The following MYOM1 variants were observed in gnomAD, a reference collection of about 807,000 sequenced individuals.
The protein encoded by MYOM1 is myomesin 1.
Under a neutral mutation model 205.3 loss-of-function variants are expected in MYOM1, and 164 were observed. That is an observed-to-expected ratio of 0.80 (90% CI 0.70 to 0.91). The LOEUF is 0.91. Among genes scored for constraint, MYOM1 ranks in the 40% least tolerant of loss-of-function variants. The pLI is 0.00. For synonymous variants in MYOM1, 772 were observed against 789.4 expected (o/e 0.98, Z 0.37); for missense variants, 2,011 against 2,127.3 (o/e 0.95, Z 1.08).
intron 36 of MYOM1, among the ~76,000 whole-genome samples, chr18:3,074,982 A>G (rs1387237522): frequency 3.3e-5 from 5 of 152,010 alleles, no homozygotes; most frequent in Admixed American, 6.6e-5. Context: ...TTTAGTAGAG[A>G]CGGGGTTTTG....
chr18:3,174,123 T>A lies in MYOM1; in HGVS notation c.1108A>T (p.Lys370Ter). The A allele has an allele frequency of 6.2e-7, 1 of 1,614,038 alleles. No homozygotes were observed. Among genetic ancestry groups the A allele is most frequent in the Non-Finnish European group, 8.5e-7 (1 of 1,179,874 alleles). ...ELSAYASVVV[K>*]RYKGEFDETR... ...AAAACAAATCTAGCAAACCTACTTTTTACCACAACTGAAGCATATGCCGAA... is the reference window on the plus strand; with the variant it reads ...AAAACAAATCTAGCAAACCTACTTTATACCACAACTGAAGCATATGCCGAA... The change falls in exon 7 of 38, where the codon AAA becomes TAA. Residue 370 changes from lysine (K) to a stop codon, truncating the protein, a stop_gained. Transcript: ENST00000356443. LOFTEE classifies it high-confidence loss of function.
At position 3,126,890 on chromosome 18, in the gene MYOM1, T is replaced by C. The variant is rs79397275; in HGVS notation, c.2802A>G (p.Pro934=). 3,406 of 1,608,232 alleles carry C rather than the reference T, an allele frequency of 2.1e-3. 86 individuals carry two copies. In the East Asian group the frequency reaches 0.051, roughly 24 times the overall value. The change falls in exon 19 of 38, where the codon CCA becomes CCG. Residue 934 remains proline, a synonymous_variant. Coordinates refer to ENST00000356443, the MANE Select transcript of MYOM1 (RefSeq NM_003803.4). ...PLKKKTDRAP[P]SPPCDITCLE... is the part of the protein sequence containing the mutation. Reference sequence around the variant, plus strand: ...GACAGGTGATATCACAGGGTGGAGATGGTGGTGCTGTAGCAATATGAATAG... The same window carrying C: ...GACAGGTGATATCACAGGGTGGAGACGGTGGTGCTGTAGCAATATGAATAG...
chr18:3,221,861 T>G (rs1218077703), upstream of MYOM1, among the ~76,000 whole-genome samples: 1 of 152,178 alleles, frequency 6.6e-6, no homozygotes, highest in Non-Finnish European at 1.5e-5. Flanking sequence ...AGGCGAGTTT[T>G]CCAAGTGTTA....
At chr18:3,223,055 G>C (rs2081338421), upstream of MYOM1, among the ~76,000 whole-genome samples, 1 of 152,064 alleles carries the variant, frequency 6.6e-6, no homozygotes, top group Non-Finnish European at 1.5e-5. Context: ...GCTAATGTTT[G>C]TACTTTTGTA....
intron 10 of MYOM1, among the ~76,000 whole-genome samples, chr18:3,157,650 CTGGG>C (rs1362468872): frequency 2.0e-5 from 3 of 150,224 alleles, no homozygotes; most frequent in East Asian, 3.9e-4. Context: ...ACACTCCAGC[CTGGG>C]TGACAGAGCA....
the MYOM1 span, among the ~76,000 whole-genome samples, chr18:3,229,684 A>G: frequency 6.6e-6 from 1 of 152,122 alleles, no homozygotes; most frequent in South Asian, 2.1e-4. Flanking sequence ...CAGTAGTGAG[A>G]TGTGGCCGGG....
At chr18:3,232,556 G>A in the MYOM1 span, among the ~76,000 whole-genome samples, 7 of 152,102 alleles carry the variant, frequency 4.6e-5, no homozygotes, top group Non-Finnish European at 8.8e-5. Flanking sequence ...GGTTTCACAA[G>A]TGTATACATG....
At chr18:3,203,625 C>T (rs1438175424) in intron 2 of MYOM1, among the ~76,000 whole-genome samples, 1 of 151,666 alleles carries the variant, frequency 6.6e-6, no homozygotes, top group African/African-American at 2.4e-5. Context: ...GTAAAGAACT[C>T]GAATTGGTAA....
intron 18 of MYOM1, 37 bp from the exon 19 acceptor site, chr18:3,126,934 T>A (rs1342325562): frequency 6.5e-7 from 1 of 1,546,160 alleles, no homozygotes; most frequent in Non-Finnish European, 8.8e-7. Flanking sequence ...TAGGCAGAAA[T>A]GCATTTATGA....
intron 34 of MYOM1, 44 bp from the exon 35 acceptor site, chr18:3,075,805 T>C: frequency 6.6e-7 from 1 of 1,515,102 alleles, no homozygotes; most frequent in South Asian, 1.2e-5. Context: ...CACCCAGAAT[T>C]GATGACACAC....
intron 10 of MYOM1, among the ~76,000 whole-genome samples, chr18:3,156,615 T>C (rs1272047281): frequency 1.3e-5 from 2 of 151,764 alleles, no homozygotes; most frequent in African/African-American, 4.8e-5. Context: ...TTTCTTTTTT[T>C]TTTTTTTTGA....
At chr18:3,120,039 G>GTT (rs367606643) in intron 19 of MYOM1, 44 bp from the exon 20 acceptor site, 224 of 1,147,562 alleles carry the variant, frequency 2.0e-4, no homozygotes, top group African/African-American at 5.1e-4. Context: ...TTCCAGGTTT[G>GTT]TTTTTTTTTT....
the MYOM1 span, among the ~76,000 whole-genome samples, chr18:3,235,709 T>G: frequency 6.6e-6 from 1 of 152,126 alleles, no homozygotes; most frequent in Non-Finnish European, 1.5e-5. Context: ...GGGAGACAGA[T>G]GGTAAACAAA....
At chr18:3,216,329 ATTACC>A (rs2081266774) in intron 1 of MYOM1, among the ~76,000 whole-genome samples, 1 of 152,230 alleles carries the variant, frequency 6.6e-6, no homozygotes, top group African/African-American at 2.4e-5. Context: ...GCCTGCTCTA[ATTACC>A]TTGTACAGAA....
At chr18:3,126,972 C>A in intron 18 of MYOM1, 75 bp from the exon 19 acceptor site, 2 of 1,355,480 alleles carry the variant, frequency 1.5e-6, no homozygotes, top group South Asian at 2.7e-5. Context: ...TCCATGGGTG[C>A]CACATATGAG....
chr18:3,114,851 A>G (rs2079582631), intron 21 of MYOM1, among the ~76,000 whole-genome samples: 1 of 152,098 alleles, frequency 6.6e-6, no homozygotes, highest in Non-Finnish European at 1.5e-5. Context: ...ACTTAACCTC[A>G]GTCTCTCTTT....
At chr18:3,220,373 A>G (rs925471058), upstream of MYOM1, among the ~76,000 whole-genome samples, 1 of 152,218 alleles carries the variant, frequency 6.6e-6, no homozygotes, top group Non-Finnish European at 1.5e-5. Context: ...ACTTGAAGCT[A>G]ACTAAAGGCA....
Position 3,076,430 on chromosome 18 carries a change from G to T in MYOM1, c.4649-669C>A, listed in dbSNP as rs4500827. Among the ~76,000 whole-genome samples the T allele has an allele frequency of 1.6e-3, 247 of 152,082 alleles. 1 individual carries two copies. The highest frequency in any genetic ancestry group is 2.5e-3 in the Non-Finnish European group (171 of 67,986). Reference sequence around the variant, plus strand: ...AAACATCCTGAGTGTCAAACAAAAAGGAAAACAAAAACTTTGTCTTATTAA... The same window carrying T: ...AAACATCCTGAGTGTCAAACAAAAATGAAAACAAAAACTTTGTCTTATTAA... On this transcript the variant is annotated intron_variant, in intron 34 of 37. Coordinates refer to ENST00000356443, the MANE Select transcript of MYOM1 (RefSeq NM_003803.4).
intron 2 of MYOM1, among the ~76,000 whole-genome samples, chr18:3,212,159 T>C (rs2081198299): frequency 6.6e-6 from 1 of 152,240 alleles, no homozygotes; most frequent in Admixed American, 6.5e-5. Flanking sequence ...GGAAAACATA[T>C]TGGCATTTTC....
Sources: gnomAD v4.1 joint callset for allele counts (sites outside exome capture counted in the v4.1 genomes callset) on GRCh38, gnomAD v4.1.1 for gene constraint, MANE v1.5 for transcripts, NCBI Gene and HGNC (gene_info 2026-07-23, HGNC 2026-07-21) for gene names.